RAP1GDS1: variants seen among roughly 807,000 people sequenced by gnomAD.
RAP1GDS1 encodes Rap1 GTPase-GDP dissociation stimulator 1.
Under a neutral mutation model 71.1 loss-of-function variants are expected in RAP1GDS1, and 35 were observed. The observed-to-expected ratio is 0.49, with a 90% CI of 0.38 to 0.65. The LOEUF is 0.65. RAP1GDS1 is among the 30% of genes least tolerant of loss of function. The pLI is 0.00. For synonymous variants in RAP1GDS1, 229 were observed against 243.1 expected (o/e 0.94, Z 0.54); for missense variants, 663 against 706.1 (o/e 0.94, Z 0.69).
At chr4:98,291,738 G>A (rs887258260) in intron 1 of RAP1GDS1, among the ~76,000 whole-genome samples, 1 of 152,166 alleles carries the variant, frequency 6.6e-6, no homozygotes, top group African/African-American at 2.4e-5. Flanking sequence ...AGCCACAGGT[G>A]TAGAACAGAA....
At chr4:98,351,270 G>GGTAGA (rs1402924451) in intron 3 of RAP1GDS1, among the ~76,000 whole-genome samples, 1 of 152,082 alleles carries the variant, frequency 6.6e-6, no homozygotes, top group African/African-American at 2.4e-5. Flanking sequence ...GATTTTTAGT[G>GGTAGA]GTAGAGTAAT....
At chr4:98,375,606 A>C (rs964799484) in intron 4 of RAP1GDS1, among the ~76,000 whole-genome samples, 2 of 152,208 alleles carry the variant, frequency 1.3e-5, no homozygotes, top group African/African-American at 4.8e-5. Flanking sequence ...CTTCCTTTTC[A>C]ATTCAGATAA....
At chr4:98,275,729 A>G (rs1325519884) in intron 1 of RAP1GDS1, among the ~76,000 whole-genome samples, 1 of 152,026 alleles carries the variant, frequency 6.6e-6, no homozygotes, top group African/African-American at 2.4e-5. Context: ...TGAATTCCCT[A>G]TCTAAGTGAA....
chr4:98,393,258 A>C (rs1195520534), intron 6 of RAP1GDS1, among the ~76,000 whole-genome samples: 1 of 152,176 alleles, frequency 6.6e-6, no homozygotes, highest in East Asian at 1.9e-4. Flanking sequence ...TTCCAAGCAA[A>C]GGGAATAGAA....
At chr4:98,435,559 G>A (rs551661882) in intron 13 of RAP1GDS1, among the ~76,000 whole-genome samples, 2 of 152,244 alleles carry the variant, frequency 1.3e-5, no homozygotes, top group Admixed American at 1.3e-4. Context: ...AACAGAAGGG[G>A]CTTAGGCTTG....
chr4:98,271,530 C>T (rs1560750419), intron 1 of RAP1GDS1, among the ~76,000 whole-genome samples: 1 of 152,118 alleles, frequency 6.6e-6, no homozygotes, highest in Non-Finnish European at 1.5e-5. Flanking sequence ...ATCCACCATA[C>T]AGACATAATC....
chr4:98,349,048 T>G (rs1263153070), intron 3 of RAP1GDS1, among the ~76,000 whole-genome samples: 1 of 152,220 alleles, frequency 6.6e-6, no homozygotes, highest in Non-Finnish European at 1.5e-5. Flanking sequence ...TGCCCATGCC[T>G]ATGTCCTGAA....
At chr4:98,436,914 G>A (rs200450592) in intron 13 of RAP1GDS1, 26 bp from the exon 14 acceptor site, 130 of 1,578,772 alleles carry the variant, frequency 8.2e-5, no homozygotes, top group Non-Finnish European at 1.0e-4. Flanking sequence ...TTCGTACGCA[G>A]TAGATATACT....
At chr4:98,355,886 C>T (rs1158052851) in intron 4 of RAP1GDS1, among the ~76,000 whole-genome samples, 1 of 152,022 alleles carries the variant, frequency 6.6e-6, no homozygotes, top group Non-Finnish European at 1.5e-5. Context: ...TTTTTGAATC[C>T]CAGTCTCCTT....
At chr4:98,412,508 CTG>C (rs1291750854) in intron 7 of RAP1GDS1, among the ~76,000 whole-genome samples, 2 of 152,192 alleles carry the variant, frequency 1.3e-5, no homozygotes, top group Non-Finnish European at 2.9e-5. Context: ...GAGCGAGACA[CTG>C]TCTCTTAAAC....
At chr4:98,335,566 A>G (rs1734598980) in intron 2 of RAP1GDS1, among the ~76,000 whole-genome samples, 1 of 151,932 alleles carries the variant, frequency 6.6e-6, no homozygotes, top group African/African-American at 2.4e-5. Context: ...TTTTTATTTT[A>G]CAAGTTTGAA....
intron 1 of RAP1GDS1, 29 bp from the exon 2 acceptor site, chr4:98,293,379 G>A (rs746908505): frequency 2.0e-6 from 3 of 1,471,564 alleles, no homozygotes; most frequent in Non-Finnish European, 9.3e-7. Flanking sequence ...ATAAGGTTGA[G>A]TTTCTGATTT....
chr4:98,433,517 C>T (rs1022391030), intron 12 of RAP1GDS1, among the ~76,000 whole-genome samples: 15 of 152,026 alleles, frequency 9.9e-5, no homozygotes, highest in Non-Finnish European at 1.8e-4. Flanking sequence ...TGGTCTCAAG[C>T]GATCCTCCTG....
chr4:98,285,501 G>A (rs186449085), intron 1 of RAP1GDS1, among the ~76,000 whole-genome samples: 298 of 152,138 alleles, frequency 2.0e-3, no homozygotes, highest in African/African-American at 7.1e-3. Flanking sequence ...TATTAACACA[G>A]GAGCCTAATA....
At chr4:98,317,530 T>C (rs1279985859) in intron 2 of RAP1GDS1, among the ~76,000 whole-genome samples, 1 of 152,090 alleles carries the variant, frequency 6.6e-6, no homozygotes, top group East Asian at 1.9e-4. Flanking sequence ...GGAGGAAGTA[T>C]GGGAATGTAG....
chr4:98,352,022 T>A (rs1314823056), intron 3 of RAP1GDS1, among the ~76,000 whole-genome samples: 8 of 150,362 alleles, frequency 5.3e-5, no homozygotes, highest in Non-Finnish European at 1.2e-4. Flanking sequence ...ATATATATAT[T>A]TATATTTATA....
intron 2 of RAP1GDS1, among the ~76,000 whole-genome samples, chr4:98,339,524 T>G (rs1397066485): frequency 6.7e-6 from 1 of 149,092 alleles, no homozygotes; most frequent in Non-Finnish European, 1.5e-5. Flanking sequence ...AGAGTCTACC[T>G]TTTTTTTTTA....
chr4:98,278,418 T>A (rs947768622), intron 1 of RAP1GDS1, among the ~76,000 whole-genome samples: 1 of 152,184 alleles, frequency 6.6e-6, no homozygotes, highest in African/African-American at 2.4e-5. Context: ...AAAGTTGAAT[T>A]TATATTACTT....
intron 1 of RAP1GDS1, among the ~76,000 whole-genome samples, chr4:98,283,283 A>C (rs891897078): frequency 3.9e-5 from 6 of 152,190 alleles, no homozygotes; most frequent in Non-Finnish European, 8.8e-5. Flanking sequence ...GAGCAAAGAA[A>C]AAATAGTATG....
Sources: allele counts gnomAD v4.1 joint callset (sites outside exome capture counted in the v4.1 genomes callset), GRCh38; gene constraint gnomAD v4.1.1; transcripts MANE v1.5; gene names NCBI Gene and HGNC (gene_info 2026-07-23, HGNC 2026-07-21).